Variants in BANK1 observed in about 807,000 individuals in gnomAD.
The protein encoded by BANK1 is B-cell scaffold protein with ankyrin repeats.
Under a neutral mutation model 94.5 loss-of-function variants are expected in BANK1, and 95 were observed. The observed-to-expected ratio is 1.00, with a 90% CI of 0.85 to 1.19. BANK1 has a LOEUF of 1.19. BANK1 is among the 50% of genes most tolerant of loss of function. The pLI, the probability that BANK1 is intolerant of heterozygous loss-of-function variation, is 0.00. For synonymous variants in BANK1, 334 were observed against 308.4 expected (o/e 1.08, Z -0.87); for missense variants, 987 against 932.2 (o/e 1.06, Z -0.77).
At chr4:101,996,621 T>C (rs1560675024) in intron 7 of BANK1, among the ~76,000 whole-genome samples, 1 of 152,216 alleles carries the variant, frequency 6.6e-6, no homozygotes, top group Admixed American at 6.5e-5. Flanking sequence ...TGTTTTGTAG[T>C]TCTCCTTGAA....
chr4:101,913,633 G>A (rs1005431782), intron 6 of BANK1, among the ~76,000 whole-genome samples: 9 of 152,110 alleles, frequency 5.9e-5, no homozygotes, highest in African/African-American at 9.7e-5. Flanking sequence ...TGTCCTCAAA[G>A]ACTCTTTTTC....
rs558497686 is a variant in BANK1 at position 102,004,870 on chromosome 4, G to A, written c.1207-16644G>A. On this transcript the variant is annotated intron_variant, in intron 7 of 16. Transcript: ENST00000322953. ...TATGAGATACATTATATGAATCCCT[G>A]TGACAAGTACCTCCACTGCTTTAGT... Among the ~76,000 whole-genome samples, 4 of 152,192 alleles carry A rather than the reference G, an allele frequency of 2.6e-5. No individual in the cohort carries two copies. In the South Asian group the frequency reaches 8.3e-4, roughly 32 times the overall value.
intron 7 of BANK1, among the ~76,000 whole-genome samples, chr4:102,016,709 C>T (rs993180580): frequency 3.3e-5 from 5 of 152,156 alleles, no homozygotes; most frequent in African/African-American, 1.2e-4. Context: ...TTACTTAAAA[C>T]CTTCTCTCCT....
At chr4:101,957,814 GTGTTTT>G (rs869095383) in intron 7 of BANK1, among the ~76,000 whole-genome samples, 1 of 139,940 alleles carries the variant, frequency 7.1e-6, no homozygotes, top group Non-Finnish European at 1.6e-5. Context: ...TGTTGTTGTT[GTGTTTT>G]TGTTTTTTGT....
chr4:102,072,477 C>G lies in BANK1; in HGVS notation c.2298+77C>G. ...AAAAAAGAACATGAGAGCCTTCTAT[C>G]CTGTCTATGCTTTTAGACATTCTAA... On this transcript the variant is annotated intron_variant, in intron 15 of 16. Coordinates refer to ENST00000322953, the MANE Select transcript of BANK1 (RefSeq NM_017935.5). 2.7e-6 allele frequency: 3 copies of G among 1,110,094 alleles called. No individual in the cohort carries two copies. The South Asian group carries it at 4.2e-5, about 15-fold the overall frequency. 68.8% of individuals were successfully genotyped at this position (1,110,094 alleles called of 1,614,324 possible). A position where few individuals can be genotyped will look rare whatever the true frequency, so the allele number is the denominator to read the frequency against.
At position 101,899,337 on chromosome 4, in the gene BANK1, A is replaced by C. The variant is rs1433543442; in HGVS notation, c.1009+3927A>C. Among the ~76,000 whole-genome samples, 6 of 152,288 alleles carry C rather than the reference A, an allele frequency of 3.9e-5. No individual in the cohort carries two copies. The East Asian group carries it at 1.2e-3, about 29-fold the overall frequency. ...TAAAAACTTCTAGTGATTAAATTGG[A>C]GATTTGGCATGTAAATTGACTGTAA... On this transcript the variant is annotated intron_variant, in intron 6 of 16. Transcript: ENST00000322953.
intron 7 of BANK1, among the ~76,000 whole-genome samples, chr4:101,924,288 G>A (rs1010070093): frequency 3.3e-5 from 5 of 151,700 alleles, no homozygotes; most frequent in African/African-American, 7.3e-5. Flanking sequence ...AATCATGTTA[G>A]TTTGGTTTAA....
At chr4:102,003,948 T>A (rs1726163555) in intron 7 of BANK1, among the ~76,000 whole-genome samples, 1 of 151,670 alleles carries the variant, frequency 6.6e-6, no homozygotes, top group Admixed American at 6.6e-5. Flanking sequence ...TACGTATATA[T>A]ACACACATAT....
At chr4:101,857,243 T>C (rs1404188077) in intron 3 of BANK1, among the ~76,000 whole-genome samples, 2 of 152,180 alleles carry the variant, frequency 1.3e-5, no homozygotes, top group African/African-American at 2.4e-5. Context: ...ACTACCTCAG[T>C]CAGTCACCAG....
intron 7 of BANK1, among the ~76,000 whole-genome samples, chr4:102,007,048 T>A (rs1254123562): frequency 7.8e-6 from 1 of 128,286 alleles, no homozygotes; most frequent in African/African-American, 2.9e-5. Flanking sequence ...TAAATATATA[T>A]ATATATAAAA....
intron 1 of BANK1, among the ~76,000 whole-genome samples, chr4:101,793,221 T>G (rs1430097438): frequency 6.6e-6 from 1 of 152,222 alleles, no homozygotes; most frequent in African/African-American, 2.4e-5. Context: ...ACATGGTTTG[T>G]CTAGGTCTCT....
chr4:101,852,015 C>T (rs564544555), intron 2 of BANK1, among the ~76,000 whole-genome samples: 6 of 152,164 alleles, frequency 3.9e-5, no homozygotes, highest in South Asian at 2.1e-4. Flanking sequence ...TTTTGGAAAA[C>T]GAATTTTCTA....
At position 101,829,914 on chromosome 4, in the gene BANK1, A is replaced by T. The variant is rs904583980; in HGVS notation, c.177A>T (p.Leu59Phe). 45 of 1,613,844 alleles carry T rather than the reference A, an allele frequency of 2.8e-5. No homozygotes were observed. Among genetic ancestry groups the T allele is most frequent in the Non-Finnish European group, 3.7e-5 (44 of 1,179,912 alleles). The stretch of plus-strand genomic sequence containing the variant: ...TTGTGAAAAGGGAAGCCATCCTGTT[A>T]TATCGCTTGGAGAATTTCTCTTTTC... ...LHVVKREAIL[L>F]YRLENFSFRH... The change falls in exon 2 of 17, where the codon TTA becomes TTT. Residue 59 changes from leucine (L) to phenylalanine (F), a missense_variant. Physicochemically the swap from Leu to Phe is conservative, Grantham distance 22. Transcript: ENST00000322953.
chr4:101,861,663 G>C (rs957303623), intron 3 of BANK1, among the ~76,000 whole-genome samples: 1 of 151,772 alleles, frequency 6.6e-6, no homozygotes, highest in African/African-American at 2.4e-5. Context: ...ATTTATTTTG[G>C]TATGTGTATG....
intron 7 of BANK1, among the ~76,000 whole-genome samples, chr4:102,010,935 A>G (rs1375729623): frequency 6.6e-6 from 1 of 152,214 alleles, no homozygotes; most frequent in East Asian, 1.9e-4. Flanking sequence ...TATGATAAGA[A>G]ACTAGATAAC....
At chr4:101,869,005 G>A (rs1728180076) in intron 4 of BANK1, among the ~76,000 whole-genome samples, 1 of 151,692 alleles carries the variant, frequency 6.6e-6, no homozygotes, top group South Asian at 2.1e-4. Flanking sequence ...AGTTAACTAA[G>A]GATTCAATAT....
At chr4:102,049,322 T>C (rs1436000359) in intron 11 of BANK1, among the ~76,000 whole-genome samples, 1 of 152,218 alleles carries the variant, frequency 6.6e-6, no homozygotes, top group Non-Finnish European at 1.5e-5. Context: ...AATATCTGGC[T>C]AATTTTCCTT....
intron 7 of BANK1, among the ~76,000 whole-genome samples, chr4:101,956,782 TTTTG>T (rs762111905): frequency 6.6e-5 from 10 of 152,178 alleles, no homozygotes; most frequent in Non-Finnish European, 1.2e-4. Context: ...TGATTGATCA[TTTTG>T]TTTGTTTGTT....
At chr4:101,951,348 T>TA (rs1246407113) in intron 7 of BANK1, among the ~76,000 whole-genome samples, 1 of 152,132 alleles carries the variant, frequency 6.6e-6, no homozygotes, top group African/African-American at 2.4e-5. Context: ...TGTCTTTTTA[T>TA]AAAAATATGT....
Sources: gnomAD v4.1 joint callset for allele counts (sites outside exome capture counted in the v4.1 genomes callset) on GRCh38, gnomAD v4.1.1 for gene constraint, MANE v1.5 for transcripts, NCBI Gene and HGNC (gene_info 2026-07-23, HGNC 2026-07-21) for gene names.